TMPRSS11A: variants seen among roughly 807,000 people sequenced by gnomAD.
The protein encoded by TMPRSS11A is transmembrane serine protease 11A, also known as transmembrane protease serine 11A.
Under a neutral mutation model 58.9 loss-of-function variants are expected in TMPRSS11A, and 53 were observed. The observed-to-expected ratio is 0.90, with a 90% CI of 0.72 to 1.13. The LOEUF (loss-of-function observed/expected upper bound fraction) is 1.13, where lower values mean the gene tolerates loss of function less well. TMPRSS11A is among the 50% of genes most tolerant of loss of function. The probability of loss-of-function intolerance (pLI) is 0.00; values close to 1 mark genes in which losing one functional copy is unlikely to be tolerated. For missense variants in TMPRSS11A, 493 were observed against 499.3 expected (o/e 0.99, Z 0.12); for synonymous variants, 167 against 169.8 (o/e 0.98, Z 0.13).
chr4:67,938,785 A>G lies in TMPRSS11A; in HGVS notation c.252+5734T>C, dbSNP rs552722676. 2.6e-5 allele frequency among the ~76,000 whole-genome samples: 4 copies of G among 152,058 alleles called. No homozygotes were observed. The South Asian group carries it at 8.3e-4, about 32-fold the overall frequency. On this transcript the variant is annotated intron_variant, in intron 3 of 9. Transcript: ENST00000508048. ...TGGTTTATATGTCTGTTTTTGTACC[A>G]ATGCCATTCTGTTTTGATTACTGTA...
At chr4:67,911,644 T>C in intron 9 of TMPRSS11A, 141 bp from the exon 10 acceptor site, 1 of 522,832 alleles carries the variant, frequency 1.9e-6, no homozygotes, top group Non-Finnish European at 3.2e-6. Context: ...AATTGAGACA[T>C]GGATTTTAAT....
chr4:67,927,177 C>T (rs1287206212), intron 5 of TMPRSS11A, among the ~76,000 whole-genome samples: 1 of 152,168 alleles, frequency 6.6e-6, no homozygotes, highest in African/African-American at 2.4e-5. Flanking sequence ...AATAGCAAGA[C>T]TGAAAGAGCT....
intron 1 of TMPRSS11A, among the ~76,000 whole-genome samples, chr4:67,947,257 T>C (rs1721041619): frequency 6.6e-6 from 1 of 152,206 alleles, no homozygotes; most frequent in Non-Finnish European, 1.5e-5. Flanking sequence ...TAATACCCAG[T>C]CCATCTTCAA....
chr4:67,932,405 C>G (rs904167244), intron 3 of TMPRSS11A, among the ~76,000 whole-genome samples: 1 of 152,100 alleles, frequency 6.6e-6, no homozygotes, highest in Admixed American at 6.6e-5. Flanking sequence ...CAGAGAGATA[C>G]AGAGCAGAGA....
intron 1 of TMPRSS11A, among the ~76,000 whole-genome samples, chr4:67,959,554 C>G (rs1042848304): frequency 1.3e-5 from 2 of 152,164 alleles, no homozygotes; most frequent in Non-Finnish European, 2.9e-5. Flanking sequence ...ACAGACACTT[C>G]TTAAAAGAAG....
At chr4:67,921,120 G>T (rs1020847220) in intron 7 of TMPRSS11A, among the ~76,000 whole-genome samples, 4 of 152,118 alleles carry the variant, frequency 2.6e-5, no homozygotes, top group Non-Finnish European at 5.9e-5. Context: ...GATGGTAGAA[G>T]TTAATAGAGT....
At chr4:67,959,007 A>G (rs1052753686) in intron 1 of TMPRSS11A, among the ~76,000 whole-genome samples, 3 of 152,202 alleles carry the variant, frequency 2.0e-5, no homozygotes, top group Non-Finnish European at 4.4e-5. Flanking sequence ...AGGCCTCCCC[A>G]GCCACATGGA....
intron 9 of TMPRSS11A, among the ~76,000 whole-genome samples, chr4:67,913,982 A>G (rs1193179594): frequency 6.6e-6 from 1 of 152,220 alleles, no homozygotes; most frequent in Non-Finnish European, 1.5e-5. Flanking sequence ...GGCCCATGGA[A>G]TCACAACATG....
intron 1 of TMPRSS11A, among the ~76,000 whole-genome samples, chr4:67,947,087 G>T (rs1721034893): frequency 6.6e-6 from 1 of 151,878 alleles, no homozygotes; most frequent in Admixed American, 6.6e-5. Context: ...AAATTTTACT[G>T]TATTTGGCTC....
intron 5 of TMPRSS11A, 79 bp downstream of exon 5, chr4:67,929,801 A>C: frequency 8.0e-7 from 1 of 1,253,256 alleles, no homozygotes; most frequent in South Asian, 1.7e-5. Context: ...AAATGGAAAT[A>C]ATGACAAATA....
At chr4:67,961,482 CCTTTTTTTTTTTTTTTTTTT>C (rs1374975598) in intron 1 of TMPRSS11A, among the ~76,000 whole-genome samples, 9,308 of 102,384 alleles carry the variant, frequency 0.091, 1,368 homozygotes, top group Non-Finnish European at 0.11. Context: ...CTTTTCTTTT[CCTTTTTTTTTTTTTTTTTTT>C]TTTTTTTTTT....
intron 9 of TMPRSS11A, among the ~76,000 whole-genome samples, chr4:67,913,992 G>C (rs1156920053): frequency 1.3e-5 from 2 of 152,194 alleles, no homozygotes; most frequent in African/African-American, 4.8e-5. Flanking sequence ...ATCACAACAT[G>C]GCCTAATCCA....
chr4:67,944,062 G>GT (rs1448327053), intron 3 of TMPRSS11A, among the ~76,000 whole-genome samples: 13 of 152,104 alleles, frequency 8.5e-5, no homozygotes, highest in South Asian at 6.2e-4. Flanking sequence ...AATAAGTCTG[G>GT]TTTTTTGTCT....
intron 3 of TMPRSS11A, among the ~76,000 whole-genome samples, chr4:67,940,430 T>G (rs1720852613): frequency 6.6e-6 from 1 of 152,124 alleles, no homozygotes; most frequent in Admixed American, 6.5e-5. Flanking sequence ...TCAATATTGG[T>G]CTGTTCAGGG....
intron 3 of TMPRSS11A, 109 bp from the exon 4 acceptor site, chr4:67,932,169 C>G (rs554657884): frequency 3.5e-6 from 2 of 577,948 alleles, no homozygotes; most frequent in African/African-American, 3.7e-5. Context: ...GAACTAACAT[C>G]ATTATTTAAA....
chr4:67,925,973 G>T (rs1485642540), intron 5 of TMPRSS11A, among the ~76,000 whole-genome samples: 1 of 152,058 alleles, frequency 6.6e-6, no homozygotes, highest in Non-Finnish European at 1.5e-5. Flanking sequence ...TTACTTTCCT[G>T]GTATAGAAAT....
intron 1 of TMPRSS11A, among the ~76,000 whole-genome samples, chr4:67,962,347 G>GT (rs1553924101): frequency 6.6e-6 from 1 of 152,028 alleles, no homozygotes; most frequent in Non-Finnish European, 1.5e-5. Context: ...GGCCAATCTC[G>GT]TATCAAATTA....
At position 67,962,274 on chromosome 4, in the gene TMPRSS11A, G is replaced by T. The variant is rs539026472; in HGVS notation, c.11+1109C>A. ...GTCAATTACTATGTGATTACTGAAG[G>T]ACTGATGCAAACATGCATTTTGTGA... On this transcript the variant is annotated intron_variant, in intron 1 of 9. Coordinates refer to ENST00000508048, the MANE Select transcript of TMPRSS11A (RefSeq NM_001114387.2). 1.2e-4 allele frequency among the ~76,000 whole-genome samples: 18 copies of T among 152,160 alleles called. 1 individual carries two copies. The South Asian group carries it at 3.5e-3, about 30-fold the overall frequency.
intron 1 of TMPRSS11A, 100 bp downstream of exon 1, chr4:67,963,283 A>G (rs1721483587): frequency 8.1e-7 from 1 of 1,227,126 alleles, no homozygotes; most frequent in Non-Finnish European, 1.2e-6. Context: ...GATTGAATCC[A>G]CCAAAGACAC....
Sources: allele counts gnomAD v4.1 joint callset (sites outside exome capture counted in the v4.1 genomes callset), GRCh38; gene constraint gnomAD v4.1.1; transcripts MANE v1.5; gene names NCBI Gene and HGNC (gene_info 2026-07-23, HGNC 2026-07-21).